The following ADAD1 variants were observed in gnomAD, a reference collection of about 807,000 sequenced individuals.
ADAD1 encodes the protein adenosine deaminase domain-containing protein 1.
A neutral mutation model predicts 66.8 loss-of-function variants in ADAD1; 46 were observed. The observed-to-expected ratio is 0.69, with a 90% CI of 0.54 to 0.88. The LOEUF is 0.88. Ranked by LOEUF, ADAD1 falls within the 40% of genes least tolerant of loss-of-function variation. ADAD1 has a pLI of 0.00. For missense variants in ADAD1, 617 were observed against 681.8 expected (o/e 0.91, Z 1.06); for synonymous variants, 248 against 229.4 (o/e 1.08, Z -0.73).
rs754358269 is a variant in ADAD1 at position 122,383,930 on chromosome 4, C to T, written c.493C>T (p.Leu165=). 6.2e-7 allele frequency: 1 copy of T among 1,612,272 alleles called. No homozygotes were observed. The highest frequency in any genetic ancestry group is 8.5e-7 in the Non-Finnish European group (1 of 1,179,504). Residue 165 remains leucine, a synonymous_variant, in exon 5 of 13, where the codon CTG becomes TTG. Transcript: ENST00000296513. Reference sequence around the variant, plus strand: ...ATTAGCTCTTGATGAGCTTCTACAACTGGATGAACCTGAACCACGAATTTT... The same window carrying T: ...ATTAGCTCTTGATGAGCTTCTACAATTGGATGAACCTGAACCACGAATTTT... ...AKLALDELLQ[L]DEPEPRILET...
At chr4:122,382,178 A>G (rs1189301402) in intron 4 of ADAD1, among the ~76,000 whole-genome samples, 1 of 152,218 alleles carries the variant, frequency 6.6e-6, no homozygotes, top group Non-Finnish European at 1.5e-5. Flanking sequence ...TGGTCATTGT[A>G]AGAAAAAATA....
intron 10 of ADAD1, among the ~76,000 whole-genome samples, chr4:122,414,264 G>T (rs1580793554): frequency 4.0e-4 from 35 of 87,276 alleles, no homozygotes; most frequent in East Asian, 1.2e-3. Context: ...TTTTCCAAAT[G>T]TCTTTTTTTT....
At chr4:122,427,258 T>C (rs1188122820) in intron 12 of ADAD1, among the ~76,000 whole-genome samples, 1 of 152,198 alleles carries the variant, frequency 6.6e-6, no homozygotes, top group Admixed American at 6.5e-5. Flanking sequence ...TGTGTGTGTG[T>C]GTTCGTGTGT....
intron 1 of ADAD1, 31 bp downstream of exon 1, chr4:122,379,146 G>A (rs1378499478): frequency 6.6e-6 from 1 of 152,330 alleles, no homozygotes; most frequent in Non-Finnish European, 1.5e-5. Flanking sequence ...AACCGCTCTG[G>A]GGAAGGAGGC....
intron 5 of ADAD1, among the ~76,000 whole-genome samples, chr4:122,385,729 T>G (rs2150533019): frequency 6.6e-6 from 1 of 152,266 alleles, no homozygotes; most frequent in African/African-American, 2.4e-5. Context: ...GTGTGTGTTG[T>G]TCCCCTCTCT....
chr4:122,395,408 C>A (rs114442496), intron 6 of ADAD1, among the ~76,000 whole-genome samples: 1 of 152,034 alleles, frequency 6.6e-6, no homozygotes, highest in South Asian at 2.1e-4. Flanking sequence ...TGAGGCCGGG[C>A]GCGGTGGCTC....
At chr4:122,428,173 T>C (rs1230117620) in intron 12 of ADAD1, among the ~76,000 whole-genome samples, 1 of 151,980 alleles carries the variant, frequency 6.6e-6, no homozygotes, top group Admixed American at 6.5e-5. Flanking sequence ...TATAAAACTT[T>C]CAAATAAAAT....
intron 7 of ADAD1, among the ~76,000 whole-genome samples, chr4:122,404,602 G>T (rs1386281374): frequency 6.6e-6 from 1 of 152,014 alleles, no homozygotes; most frequent in Admixed American, 6.6e-5. Context: ...TGGTTTTCCT[G>T]GTATGTTCCT....
chr4:122,427,523 CTTT>C (rs59864757), intron 12 of ADAD1, among the ~76,000 whole-genome samples: 4 of 71,982 alleles, frequency 5.6e-5, no homozygotes, highest in Non-Finnish European at 9.5e-5. Flanking sequence ...ATCCAAAGGC[CTTT>C]TTTTTTTTTT....
Position 122,383,963 on chromosome 4 carries a change from T to C in ADAD1, c.526T>C (p.Ser176Pro), listed in dbSNP as rs1795033105. 1.2e-6 allele frequency: 2 copies of C among 1,605,728 alleles called. No individual in the cohort carries two copies. The highest frequency in any genetic ancestry group is 1.3e-5 in the African/African-American group (1 of 74,358). The change falls in exon 5 of 13, where the codon TCA becomes CCA. Residue 176 changes from serine to proline, a missense_variant. By Grantham distance (74) the Ser-to-Pro change is moderately conservative. Transcript: ENST00000296513. ...ACCTGAACCACGAATTTTAGAAACA[T>C]CAGGTAAATACTCTTGATTATAAAG... The part of the protein sequence containing the change: ...DEPEPRILET[S>P]GPPPFPAEPV...
Position 122,382,516 on chromosome 4 carries a change from G to A in ADAD1, c.362-1283G>A, listed in dbSNP as rs1794954301. ...CTGTTATCCAGGCTGGAGTGCAGTG[G>A]TGATCCTCCCACCCCAGCCTCCCAA... On this transcript the variant is annotated intron_variant, in intron 4 of 12. Transcript: ENST00000296513. Among the ~76,000 whole-genome samples the A allele has an allele frequency of 2.0e-5, 3 of 152,080 alleles. 1 individual carries two copies. Among genetic ancestry groups the A allele is most frequent in the African/African-American group, 7.2e-5 (3 of 41,398 alleles).
intron 7 of ADAD1, among the ~76,000 whole-genome samples, chr4:122,404,515 T>G (rs778715084): frequency 3.3e-5 from 5 of 152,204 alleles, no homozygotes; most frequent in Non-Finnish European, 2.9e-5. Context: ...CCTCACACTT[T>G]GGGAACTCAG....
intron 6 of ADAD1, among the ~76,000 whole-genome samples, chr4:122,393,976 G>A (rs1217465205): frequency 1.3e-5 from 2 of 152,004 alleles, no homozygotes; most frequent in East Asian, 3.9e-4. Flanking sequence ...GATACTTGGA[G>A]GTCATTTGAC....
In ADAD1 at chr4:122,412,769, T is replaced by C; in HGVS notation, c.1209T>C (p.Ser403=). 1 of 1,613,872 alleles carries C rather than the reference T, an allele frequency of 6.2e-7. No homozygotes were observed. The highest frequency in any genetic ancestry group is 8.5e-7 in the Non-Finnish European group (1 of 1,179,790). ...EVLGVQGALL[S]HFIQPVYISS... ...TTGGTGTACAGGGAGCATTGCTGAG[T>C]CATTTTATACAGCCAGTTTACATCA... Residue 403 remains serine (S), a synonymous_variant, in exon 10 of 13, where the codon AGT becomes AGC. Transcript: ENST00000296513.
rs1445826344 is a variant in ADAD1 at position 122,415,549 on chromosome 4, C to G, written c.1420C>G (p.Leu474Val). Residue 474 changes from leucine to valine, a missense_variant, in exon 11 of 13, where the codon CTG becomes GTG. Physicochemically the swap from Leu to Val is conservative, Grantham distance 32. Coordinates refer to ENST00000296513, the MANE Select transcript of ADAD1 (RefSeq NM_139243.4). ...GAACTTGGAATATAAATTTCTGAGT[C>G]TGAATTGGGCACAAGGAGATGTTTC... ...QMNLEYKFLS[L>V]NWAQGDVSLE... 1 of 1,613,724 alleles carries G rather than the reference C, an allele frequency of 6.2e-7. No homozygotes were observed. Among genetic ancestry groups the G allele is most frequent in the Admixed American group, 1.7e-5 (1 of 59,992 alleles).
intron 7 of ADAD1, among the ~76,000 whole-genome samples, chr4:122,404,660 A>G (rs1297885796): frequency 6.6e-6 from 1 of 152,066 alleles, no homozygotes; most frequent in African/African-American, 2.4e-5. Context: ...TCCACACGCT[A>G]TTCTGTTCAT....
intron 12 of ADAD1, 63 bp from the exon 13 acceptor site, chr4:122,429,563 G>T (rs1290840663): frequency 7.2e-6 from 7 of 968,212 alleles, no homozygotes; most frequent in Non-Finnish European, 8.1e-6. Flanking sequence ...ACAGTATTGG[G>T]GCTACTTTTC....
intron 4 of ADAD1, among the ~76,000 whole-genome samples, chr4:122,382,456 A>G (rs28376077): frequency 0.085 from 12,947 of 152,142 alleles, 1,873 homozygotes; most frequent in African/African-American, 0.29. Context: ...TTTAGGTAAA[A>G]TATCTTTTTT....
At chr4:122,421,228 G>T (rs774981697) in intron 11 of ADAD1, 33 bp from the exon 12 acceptor site, 2 of 1,480,058 alleles carry the variant, frequency 1.4e-6, no homozygotes, top group Admixed American at 4.1e-5. Context: ...TACTGAAAAA[G>T]AAATTTAAAA....
Sources: gnomAD v4.1 joint callset for allele counts (sites outside exome capture counted in the v4.1 genomes callset) on GRCh38, gnomAD v4.1.1 for gene constraint, MANE v1.5 for transcripts, NCBI Gene and HGNC (gene_info 2026-07-23, HGNC 2026-07-21) for gene names.